The following SPAG16 variants were observed in gnomAD, a reference collection of about 807,000 sequenced individuals.
The protein encoded by SPAG16 is sperm associated antigen 16.
In SPAG16, 86 loss-of-function variants were observed where a neutral mutation model predicts 80.4. The observed-to-expected ratio is 1.07, with a 90% CI of 0.90 to 1.28. The LOEUF (loss-of-function observed/expected upper bound fraction) is 1.28. SPAG16 is among the 50% of genes most tolerant of loss of function. SPAG16 has a pLI of 0.00. For synonymous variants in SPAG16, 294 were observed against 265.9 expected, an observed-to-expected ratio of 1.11 and a Z score of -1.03; for missense variants, 870 against 765.3, an observed-to-expected ratio of 1.14 and a Z score of -1.61.
At chr2:213,400,626 C>T (rs548714346) in intron 9 of SPAG16, among the ~76,000 whole-genome samples, 47 of 152,148 alleles carry the variant, frequency 3.1e-4, no homozygotes, top group African/African-American at 1.1e-3. Flanking sequence ...TATAGCTGGG[C>T]ATATAGTTAG....
chr2:213,744,367 A>G (rs1208963471), intron 10 of SPAG16, among the ~76,000 whole-genome samples: 2 of 152,116 alleles, frequency 1.3e-5, no homozygotes, highest in South Asian at 2.1e-4. Context: ...TTACCACCCC[A>G]CAGTCATCCC....
chr2:214,102,553 G>C (rs1367061280), intron 13 of SPAG16, among the ~76,000 whole-genome samples: 1 of 152,010 alleles, frequency 6.6e-6, no homozygotes, highest in Non-Finnish European at 1.5e-5. Context: ...GGCCTTCTGC[G>C]TATAGCCTGC....
At chr2:213,927,917 T>C (rs1047428906) in intron 11 of SPAG16, among the ~76,000 whole-genome samples, 1 of 152,218 alleles carries the variant, frequency 6.6e-6, no homozygotes, top group African/African-American at 2.4e-5. Context: ...ATGCATGTTT[T>C]TGGATAAGTG....
At chr2:214,177,971 GTATATATATATA>G (rs34460783) in intron 15 of SPAG16, among the ~76,000 whole-genome samples, 6,863 of 58,736 alleles carry the variant, frequency 0.12, 373 homozygotes, top group South Asian at 0.25. Flanking sequence ...CAAAGTGTAT[GTATATATATATA>G]TATATATATA....
intron 11 of SPAG16, among the ~76,000 whole-genome samples, chr2:213,925,168 T>C (rs1220914418): frequency 6.6e-6 from 1 of 152,150 alleles, no homozygotes; most frequent in Non-Finnish European, 1.5e-5. Flanking sequence ...ATTTTTGTTT[T>C]ATTTTTGCAA....
At chr2:214,384,391 G>A (rs1002360069) in intron 15 of SPAG16, among the ~76,000 whole-genome samples, 33 of 152,136 alleles carry the variant, frequency 2.2e-4, no homozygotes, top group African/African-American at 7.7e-4. Flanking sequence ...GGTGAAGAAA[G>A]TTAAATATAA....
At chr2:214,162,006 C>T (rs1443692922) in intron 15 of SPAG16, among the ~76,000 whole-genome samples, 1 of 152,014 alleles carries the variant, frequency 6.6e-6, no homozygotes, top group Non-Finnish European at 1.5e-5. Context: ...TTTAGCTTTA[C>T]GTTGGTAGCT....
intron 10 of SPAG16, among the ~76,000 whole-genome samples, chr2:213,731,833 T>C (rs191676137): frequency 3.9e-5 from 6 of 152,324 alleles, no homozygotes; most frequent in Non-Finnish European, 7.4e-5. Flanking sequence ...AGTGTATATG[T>C]ACTACATTTT....
intron 15 of SPAG16, among the ~76,000 whole-genome samples, chr2:214,177,988 T>C (rs2057173506): frequency 2.3e-5 from 1 of 42,792 alleles, no homozygotes; most frequent in South Asian, 5.8e-4. Flanking sequence ...TATATATATA[T>C]ATATATATAT....
At chr2:214,300,584 CTTAGA>C (rs1159047032) in intron 15 of SPAG16, among the ~76,000 whole-genome samples, 2 of 151,904 alleles carry the variant, frequency 1.3e-5, no homozygotes, top group African/African-American at 4.8e-5. Flanking sequence ...TGACAAAAGT[CTTAGA>C]TTAGTCACAG....
At chr2:214,332,083 C>T (rs778850168) in intron 15 of SPAG16, among the ~76,000 whole-genome samples, 8 of 152,170 alleles carry the variant, frequency 5.3e-5, no homozygotes, top group Non-Finnish European at 1.0e-4. Context: ...GAAATCCCAC[C>T]TCTGCTAAAA....
intron 10 of SPAG16, among the ~76,000 whole-genome samples, chr2:213,790,379 T>A (rs927097887): frequency 6.6e-6 from 1 of 152,000 alleles, no homozygotes; most frequent in Non-Finnish European, 1.5e-5. Context: ...TCTGAACATT[T>A]TCTTTGTAAA....
chr2:213,622,997 A>G lies in SPAG16; in HGVS notation c.1070+132907A>G, dbSNP rs146313241. Among the ~76,000 whole-genome samples, 175 of 152,310 alleles carry G rather than the reference A, an allele frequency of 1.1e-3. 2 individuals are homozygous for G. Among genetic ancestry groups the G allele is most frequent in the African/African-American group, 3.8e-3 (158 of 41,572 alleles). ...TAACGAAGCCTTCCATTTGTTCTTC[A>G]CAAATTTTTAAATGTGTCTCCTTTA... On this transcript the variant is annotated intron_variant, in intron 10 of 15. Coordinates refer to ENST00000331683, the MANE Select transcript of SPAG16 (RefSeq NM_024532.5).
At position 213,620,281 on chromosome 2, in the gene SPAG16, GTTTTTTTTT is replaced by G. The variant is rs36059669; in HGVS notation, c.1070+130212_1070+130220del. 7.2e-5 allele frequency among the ~76,000 whole-genome samples: 6 copies of G among 82,822 alleles called. No homozygotes were observed. In the East Asian group the frequency reaches 1.1e-3, roughly 15 times the overall value. 54.3% of individuals were successfully genotyped at this position (82,822 alleles called of 152,430 possible). A position where few individuals can be genotyped will look rare whatever the true frequency, so the allele number is the denominator to read the frequency against. Reference sequence around the variant, plus strand: ...AATGTAGTTAACAATAATTTATTGAGTTTTTTTTTTTTTTTTTTTTTTTTTTTTTGAGAC... The same window carrying G: ...AATGTAGTTAACAATAATTTATTGAGTTTTTTTTTTTTTTTTTTTTGAGAC... On this transcript the variant is annotated intron_variant, in intron 10 of 15. Coordinates refer to ENST00000331683, the MANE Select transcript of SPAG16 (RefSeq NM_024532.5).
intron 15 of SPAG16, among the ~76,000 whole-genome samples, chr2:214,352,318 G>A (rs973350289): frequency 6.6e-6 from 1 of 152,066 alleles, no homozygotes; most frequent in African/African-American, 2.4e-5. Flanking sequence ...TCAAAGTTTT[G>A]ATTTTAATGG....
chr2:213,918,927 T>A (rs893829764), intron 11 of SPAG16, among the ~76,000 whole-genome samples: 82 of 152,184 alleles, frequency 5.4e-4, no homozygotes, highest in African/African-American at 1.5e-3. Context: ...CATAGAAGTA[T>A]TCGTAATAGT....
rs1412031245 is a variant in SPAG16, at chr2:214,232,304, T to A, written c.1720+83038T>A. On this transcript the variant is annotated intron_variant, in intron 15 of 15. Coordinates refer to ENST00000331683, the MANE Select transcript of SPAG16 (RefSeq NM_024532.5). ...ATAGTATCTTTTACCTTAAATATAT[T>A]CTAAATTGGTATGAAATATTTCAGT... Among the ~76,000 whole-genome samples, 3 of 152,140 alleles carry A rather than the reference T, an allele frequency of 2.0e-5. No individual in the cohort carries two copies. The East Asian group carries it at 5.8e-4, about 29-fold the overall frequency.
chr2:213,761,039 T>A (rs1174724560), intron 10 of SPAG16, among the ~76,000 whole-genome samples: 1 of 152,202 alleles, frequency 6.6e-6, no homozygotes, highest in African/African-American at 2.4e-5. Context: ...CACTGTTGCA[T>A]TGGAGATTAA....
At chr2:214,138,023 C>T (rs2055153320) in intron 14 of SPAG16, among the ~76,000 whole-genome samples, 1 of 152,046 alleles carries the variant, frequency 6.6e-6, no homozygotes, top group Non-Finnish European at 1.5e-5. Flanking sequence ...ATCACTCCCA[C>T]TGCCTTTTTA....
Sources: gnomAD v4.1 joint callset for allele counts (sites outside exome capture counted in the v4.1 genomes callset) on GRCh38, gnomAD v4.1.1 for gene constraint, MANE v1.5 for transcripts, NCBI Gene and HGNC (gene_info 2026-07-23, HGNC 2026-07-21) for gene names.